The following ARFGAP3 variants were observed in gnomAD, a reference collection of about 807,000 sequenced individuals.
The protein encoded by ARFGAP3 is ADP-ribosylation factor GTPase-activating protein 3.
In ARFGAP3, 72 loss-of-function variants were observed where a neutral mutation model predicts 75.0. The ratio of observed to expected loss-of-function variants is 0.96; its 90% CI spans 0.79 to 1.17. The LOEUF is 1.17. Among genes scored for constraint, ARFGAP3 ranks in the 50% most tolerant of loss-of-function variants. The pLI, the probability that ARFGAP3 is intolerant of heterozygous loss-of-function variation, is 0.00. For missense variants in ARFGAP3, 620 were observed against 626.6 expected, an observed-to-expected ratio of 0.99 and a Z score of 0.11; for synonymous variants, 221 against 217.9, an observed-to-expected ratio of 1.01 and a Z score of -0.13.
Position 42,827,468 on chromosome 22 carries a change from G to T in ARFGAP3, c.566-469C>A, listed in dbSNP as rs918812689. On this transcript the variant is annotated intron_variant, in intron 6 of 15. Transcript: ENST00000263245. The stretch of plus-strand genomic sequence containing the variant: ...TGCAACCTTCGCCTCCCGGGTTCAA[G>T]CCATTATCCTGCCTCGGCCACCCGA... Among the ~76,000 whole-genome samples the T allele has an allele frequency of 2.6e-5, 4 of 152,168 alleles. No homozygotes were observed. In the South Asian group the frequency reaches 8.3e-4, roughly 32 times the overall value.
intron 6 of ARFGAP3, among the ~76,000 whole-genome samples, chr22:42,830,272 C>CA (rs34297921): frequency 0.65 from 99,269 of 151,896 alleles, 34,262 homozygotes; most frequent in African/African-American, 0.87. Flanking sequence ...CGTGCACAAC[C>CA]TGCCTGGCTA....
intron 7 of ARFGAP3, among the ~76,000 whole-genome samples, chr22:42,825,929 CAA>C (rs1484177316): frequency 2.0e-5 from 3 of 152,088 alleles, no homozygotes; most frequent in African/African-American, 7.2e-5. Flanking sequence ...CCAGAAACAG[CAA>C]AAGATAACAA....
intron 14 of ARFGAP3, 172 bp from the exon 15 acceptor site, chr22:42,799,332 G>A: frequency 4.0e-6 from 3 of 750,376 alleles, no homozygotes; most frequent in Non-Finnish European, 4.9e-6. Context: ...GCCCTGCCAT[G>A]ATCCACATGA....
chr22:42,834,249 G>C lies in ARFGAP3; in HGVS notation c.470C>G (p.Ser157Cys). Residue 157 changes from serine to cysteine, a missense_variant, in exon 5 of 16, where the codon TCT (serine) becomes TGT (cysteine). Coordinates refer to ENST00000263245, the MANE Select transcript of ARFGAP3 (RefSeq NM_014570.5). Reference sequence around the variant, plus strand: ...GTGAAGCATAATACATACCTCAGGAGAAACGTGAGAGGCAAAAAAATCTTC... The same window carrying C: ...GTGAAGCATAATACATACCTCAGGACAAACGTGAGAGGCAAAAAAATCTTC... ...KEEDFFASHVSPEVSDTAWAS... is the reference protein window; with the variant it reads ...KEEDFFASHVCPEVSDTAWAS... The C allele has an allele frequency of 6.2e-7, 1 of 1,613,770 alleles. No homozygotes were observed. The highest frequency in any genetic ancestry group is 2.2e-5 in the East Asian group (1 of 44,888).
At chr22:42,827,703 T>C (rs142503655) in intron 6 of ARFGAP3, among the ~76,000 whole-genome samples, 2 of 152,318 alleles carry the variant, frequency 1.3e-5, no homozygotes, top group East Asian at 1.9e-4. Context: ...ACATCAGTGA[T>C]AGAAATCTAA....
intron 6 of ARFGAP3, among the ~76,000 whole-genome samples, chr22:42,827,332 A>G (rs569177599): frequency 3.3e-5 from 5 of 152,086 alleles, no homozygotes; most frequent in Non-Finnish European, 7.4e-5. Flanking sequence ...TACATACCCA[A>G]TGTATGTTAA....
intron 1 of ARFGAP3, among the ~76,000 whole-genome samples, chr22:42,855,778 G>A (rs987944453): frequency 1.3e-5 from 2 of 151,860 alleles, no homozygotes. Context: ...GGGAGGCCAA[G>A]GCAGGAGGAG....
chr22:42,836,277 TTTTC>T (rs973712132), intron 3 of ARFGAP3, among the ~76,000 whole-genome samples: 6 of 152,056 alleles, frequency 3.9e-5, no homozygotes, highest in Non-Finnish European at 5.9e-5. Context: ...CTCCTGGCCC[TTTTC>T]TTTGTTTTTT....
intron 14 of ARFGAP3, among the ~76,000 whole-genome samples, chr22:42,800,835 T>G (rs1924822646): frequency 6.6e-6 from 1 of 152,202 alleles, no homozygotes. Flanking sequence ...AGCCCTAGTG[T>G]GCTCAGGTTA....
chr22:42,840,835 G>T (rs894959574), intron 3 of ARFGAP3, 109 bp downstream of exon 3: 1 of 1,173,786 alleles, frequency 8.5e-7, no homozygotes. Flanking sequence ...CCTCCCAAAT[G>T]GCTGAGATTA....
chr22:42,827,791 C>T (rs9611922), intron 6 of ARFGAP3, among the ~76,000 whole-genome samples: 4,440 of 152,200 alleles, frequency 0.029, 84 homozygotes, highest in African/African-American at 0.041. Context: ...CTCTATGAAG[C>T]CTTCATTAAA....
intron 14 of ARFGAP3, among the ~76,000 whole-genome samples, chr22:42,801,584 C>T (rs376527921): frequency 7.9e-5 from 12 of 152,336 alleles, no homozygotes; most frequent in African/African-American, 2.4e-4. Flanking sequence ...CGGAACACAT[C>T]GCCCCTGCAG....
intron 1 of ARFGAP3, among the ~76,000 whole-genome samples, chr22:42,851,502 C>G (rs1051207209): frequency 6.6e-6 from 1 of 152,230 alleles, no homozygotes; most frequent in African/African-American, 2.4e-5. Flanking sequence ...GGCACCATGC[C>G]TGGCACAACA....
At chr22:42,805,289 G>T (rs1034989250) in intron 14 of ARFGAP3, among the ~76,000 whole-genome samples, 61 of 152,184 alleles carry the variant, frequency 4.0e-4, no homozygotes, top group Non-Finnish European at 2.4e-4. Context: ...AACTGGAAAG[G>T]CTGCTCTCAT....
intron 7 of ARFGAP3, among the ~76,000 whole-genome samples, chr22:42,826,616 T>A (rs1044627770): frequency 6.6e-6 from 1 of 151,994 alleles, no homozygotes; most frequent in African/African-American, 2.4e-5. Context: ...CCCAAGCTGG[T>A]CTCGAACTCC....
At chr22:42,848,459 T>C (rs1602133977) in intron 1 of ARFGAP3, among the ~76,000 whole-genome samples, 1 of 152,068 alleles carries the variant, frequency 6.6e-6, no homozygotes. Flanking sequence ...CCACCCGCCT[T>C]GGACTCCCAA....
intron 11 of ARFGAP3, among the ~76,000 whole-genome samples, chr22:42,811,593 A>G (rs1012112191): frequency 1.3e-5 from 2 of 152,238 alleles, no homozygotes; most frequent in African/African-American, 4.8e-5. Context: ...AGTTGGATAC[A>G]AAGCTATGGA....
chr22:42,803,363 G>A (rs1388858483), intron 14 of ARFGAP3, among the ~76,000 whole-genome samples: 6 of 152,176 alleles, frequency 3.9e-5, no homozygotes, highest in Admixed American at 3.9e-4. Context: ...AAGAGAAAAG[G>A]AGACAGTGGT....
intron 1 of ARFGAP3, 67 bp from the exon 2 acceptor site, chr22:42,847,699 G>A (rs1378487387): frequency 1.9e-6 from 3 of 1,550,710 alleles, no homozygotes; most frequent in Non-Finnish European, 2.6e-6. Context: ...GTAAGATACA[G>A]TAAATGACTT....
Sources: allele counts gnomAD v4.1 joint callset (sites outside exome capture counted in the v4.1 genomes callset), GRCh38; gene constraint gnomAD v4.1.1; transcripts MANE v1.5; gene names NCBI Gene and HGNC (gene_info 2026-07-23, HGNC 2026-07-21).